Variants in UBE3D observed in about 807,000 individuals in gnomAD.
The protein encoded by UBE3D is E3 ubiquitin-protein ligase E3D.
A neutral mutation model predicts 49.6 loss-of-function variants in UBE3D; 48 were observed. The observed-to-expected ratio is 0.97, with a 90% CI of 0.77 to 1.23. The LOEUF (loss-of-function observed/expected upper bound fraction) is 1.23. Among genes scored for constraint, UBE3D ranks in the 50% most tolerant of loss-of-function variants. UBE3D has a pLI of 0.00. For synonymous variants in UBE3D, 189 were observed against 174.2 expected (o/e 1.08, Z -0.67); for missense variants, 452 against 468.4 (o/e 0.96, Z 0.32).
chr6:82,938,894 C>A (rs1774792917), intron 9 of UBE3D, among the ~76,000 whole-genome samples: 1 of 151,884 alleles, frequency 6.6e-6, no homozygotes, highest in Admixed American at 6.6e-5. Context: ...TAAGAACTAG[C>A]ACCATAGTCT....
chr6:82,950,197 G>C (rs1409192622), intron 9 of UBE3D, among the ~76,000 whole-genome samples: 1 of 152,030 alleles, frequency 6.6e-6, no homozygotes, highest in African/African-American at 2.4e-5. Flanking sequence ...TTAAAAAATG[G>C]GCAAAAGATA....
intron 8 of UBE3D, among the ~76,000 whole-genome samples, chr6:83,000,504 C>CA (rs1289473665): frequency 6.6e-6 from 1 of 152,180 alleles, no homozygotes; most frequent in African/African-American, 2.4e-5. Context: ...TAGGCTACTG[C>CA]AATAGCTTCC....
Position 83,019,871 on chromosome 6 carries a change from G to A in UBE3D, c.847-735C>T, listed in dbSNP as rs550004810. Among the ~76,000 whole-genome samples the A allele has an allele frequency of 4.1e-4, 63 of 152,286 alleles. No homozygotes were observed. The South Asian group carries it at 0.013, about 32-fold the overall frequency. ...CCCAGGATCAAATCACTGGCAGCGG[G>A]CTGACCAAGAAGGGGTGAGTCAGGG... On this transcript the variant is annotated intron_variant, in intron 7 of 9. Coordinates refer to ENST00000369747, the MANE Select transcript of UBE3D (RefSeq NM_198920.3).
intron 9 of UBE3D, among the ~76,000 whole-genome samples, chr6:82,908,718 G>A (rs1007556255): frequency 2.6e-5 from 4 of 152,136 alleles, no homozygotes. Context: ...GAGAAAGATG[G>A]ATGGGGTATA....
At chr6:82,885,673 T>C in the UBE3D span, among the ~76,000 whole-genome samples, 3 of 152,170 alleles carry the variant, frequency 2.0e-5, no homozygotes, top group East Asian at 1.9e-4. Context: ...ACAAAAAATA[T>C]ATATTTTCTG....
chr6:82,889,351 T>C (rs1262457133), downstream of UBE3D, among the ~76,000 whole-genome samples: 1 of 152,254 alleles, frequency 6.6e-6, no homozygotes, highest in Non-Finnish European at 1.5e-5. Context: ...TGAGCAGACT[T>C]AATTACCAAA....
At chr6:82,976,631 A>G (rs1008977997) in intron 8 of UBE3D, among the ~76,000 whole-genome samples, 5 of 151,992 alleles carry the variant, frequency 3.3e-5, no homozygotes, top group African/African-American at 1.2e-4. Context: ...CATACTCTAA[A>G]CTATAATTGC....
chr6:83,034,992 G>T (rs1030166351), intron 5 of UBE3D, among the ~76,000 whole-genome samples: 2 of 151,794 alleles, frequency 1.3e-5, no homozygotes, highest in Non-Finnish European at 2.9e-5. Flanking sequence ...GATCAGCCTG[G>T]GCAACATATG....
chr6:83,053,829 A>C (rs763440964), intron 3 of UBE3D, among the ~76,000 whole-genome samples: 1 of 152,196 alleles, frequency 6.6e-6, no homozygotes, highest in Non-Finnish European at 1.5e-5. Flanking sequence ...GTCACTCAGC[A>C]TCGTGTTGGA....
rs1235683184 is a variant in UBE3D at position 83,038,496 on chromosome 6, G to GA, written c.598-12dup. On this transcript the variant is annotated splice_polypyrimidine_tract_variant and intron_variant, in intron 4 of 9. Coordinates refer to ENST00000369747, the MANE Select transcript of UBE3D (RefSeq NM_198920.3). ...ATTTGCCTTTGGTTCCTGTAGAACA[G>GA]AAAAATGTCATTTAAATGTCATTCA... 1.9e-6 allele frequency: 3 copies of GA among 1,599,974 alleles called. No individual in the cohort carries two copies. The highest frequency in any genetic ancestry group is 1.7e-6 in the Non-Finnish European group (2 of 1,175,174).
chr6:82,893,039 C>T lies in UBE3D; in HGVS notation c.1153G>A (p.Ala385Thr). 1 of 1,613,240 alleles carries T rather than the reference C, an allele frequency of 6.2e-7. No homozygotes were observed. The highest frequency in any genetic ancestry group is 8.5e-7 in the Non-Finnish European group (1 of 1,179,598). The change falls in exon 10 of 10, where the codon GCC becomes ACC. Residue 385 changes from alanine (A) to threonine (T), a missense_variant. Coordinates refer to ENST00000369747, the MANE Select transcript of UBE3D (RefSeq NM_198920.3). ...SLRRVNSFQV[A>T]FLKM ...TCTAATAGTTACATCTTCAAAAAGG[C>T]CACCTGGAGAAGGAAGAAAAACCCA...
intron 3 of UBE3D, among the ~76,000 whole-genome samples, chr6:83,052,024 T>C (rs751461523): frequency 2.0e-5 from 3 of 152,106 alleles, no homozygotes; most frequent in South Asian, 4.1e-4. Context: ...CTGAGGAGGA[T>C]GATGATGATG....
At chr6:83,047,477 G>GTGGA (rs1337501458) in intron 3 of UBE3D, among the ~76,000 whole-genome samples, 3 of 152,216 alleles carry the variant, frequency 2.0e-5, no homozygotes, top group Non-Finnish European at 2.9e-5. Context: ...CCTCCCTGAT[G>GTGGA]TGGAGCTTAG....
At chr6:83,003,002 G>A (rs1779737015) in intron 8 of UBE3D, among the ~76,000 whole-genome samples, 2 of 152,128 alleles carry the variant, frequency 1.3e-5, no homozygotes, top group Admixed American at 1.3e-4. Flanking sequence ...GCCTTAACGT[G>A]ACTGTAAGTT....
intron 9 of UBE3D, among the ~76,000 whole-genome samples, chr6:82,944,466 G>T (rs1357620610): frequency 2.6e-5 from 4 of 152,216 alleles, no homozygotes; most frequent in Non-Finnish European, 4.4e-5. Context: ...TGATACCCAG[G>T]TAGTGAGCTG....
At chr6:82,954,049 G>C (rs1775987062) in intron 9 of UBE3D, among the ~76,000 whole-genome samples, 1 of 152,204 alleles carries the variant, frequency 6.6e-6, no homozygotes, top group South Asian at 2.1e-4. Context: ...GCCTGGAGCA[G>C]AGTGAGAGTG....
intron 4 of UBE3D, among the ~76,000 whole-genome samples, chr6:83,042,404 G>A (rs952852071): frequency 2.0e-5 from 3 of 152,200 alleles, no homozygotes; most frequent in African/African-American, 7.2e-5. Flanking sequence ...CTTCATGTTT[G>A]TTTGTGCTGT....
chr6:83,027,454 AAAAAAAAG>A (rs1781557040), intron 5 of UBE3D, among the ~76,000 whole-genome samples: 1 of 147,462 alleles, frequency 6.8e-6, no homozygotes, highest in East Asian at 2.0e-4. Flanking sequence ...AAAAAAAAAA[AAAAAAAAG>A]AAACCACTAG....
At chr6:83,049,204 A>G (rs528953583) in intron 3 of UBE3D, among the ~76,000 whole-genome samples, 89 of 152,344 alleles carry the variant, frequency 5.8e-4, no homozygotes, top group African/African-American at 2.0e-3. Flanking sequence ...TATGCCCCTT[A>G]GCTTTAAAAT....
Sources: gnomAD v4.1 joint callset for allele counts (sites outside exome capture counted in the v4.1 genomes callset) on GRCh38, gnomAD v4.1.1 for gene constraint, MANE v1.5 for transcripts, NCBI Gene and HGNC (gene_info 2026-07-23, HGNC 2026-07-21) for gene names.